Variants in CCDC146 observed in about 807,000 individuals in gnomAD.
CCDC146 encodes the protein coiled-coil domain-containing protein 146.
CCDC146 carries 92 observed loss-of-function variants against 119.3 expected under a neutral mutation model. That is an observed-to-expected ratio of 0.77 (90% CI 0.65 to 0.92). The LOEUF is 0.92. CCDC146 is among the 40% of genes least tolerant of loss of function. The probability of loss-of-function intolerance (pLI) is 0.00; values close to 1 mark genes in which losing one functional copy is unlikely to be tolerated. For missense variants in CCDC146, 1,000 were observed against 1,103.0 expected (o/e 0.91, Z 1.32); for synonymous variants, 372 against 371.8 (o/e 1.00, Z -0.01).
intron 2 of CCDC146, among the ~76,000 whole-genome samples, chr7:77,207,661 T>C (rs1792105600): frequency 6.6e-6 from 1 of 152,160 alleles, no homozygotes; most frequent in Admixed American, 6.5e-5. Context: ...TCATTGAATA[T>C]ATGTTCTTAG....
intron 9 of CCDC146, among the ~76,000 whole-genome samples, chr7:77,265,008 CTT>C (rs760310175): frequency 6.6e-6 from 1 of 152,198 alleles, no homozygotes; most frequent in South Asian, 2.1e-4. Flanking sequence ...CTTTGCAACT[CTT>C]ATGCCCTCAA....
chr7:77,203,040 C>T (rs200990586), intron 2 of CCDC146, among the ~76,000 whole-genome samples: 38 of 143,466 alleles, frequency 2.6e-4, no homozygotes, highest in African/African-American at 7.4e-4. Context: ...TGCCCCCCCC[C>T]CCCCCAGGAC....
At chr7:77,159,069 C>T (rs1791219880) in intron 1 of CCDC146, among the ~76,000 whole-genome samples, 2 of 152,096 alleles carry the variant, frequency 1.3e-5, no homozygotes, top group Admixed American at 1.3e-4. Context: ...GATAAGTATA[C>T]ATCCATGAAA....
At chr7:77,272,352 G>A (rs567382119) in intron 9 of CCDC146, among the ~76,000 whole-genome samples, 1 of 152,294 alleles carries the variant, frequency 6.6e-6, no homozygotes, top group East Asian at 1.9e-4. Context: ...ACACCTGAGG[G>A]TACAGAAGGT....
At chr7:77,142,474 A>C (rs1164773175) in intron 1 of CCDC146, among the ~76,000 whole-genome samples, 1 of 151,842 alleles carries the variant, frequency 6.6e-6, no homozygotes. Flanking sequence ...CAGGTTTGTT[A>C]CATCTGTATA....
intron 2 of CCDC146, chr7:77,199,990 G>T: frequency 1.8e-6 from 1 of 552,622 alleles, no homozygotes; most frequent in Non-Finnish European, 3.2e-6. Context: ...ACTCTCAATA[G>T]AAATAATATG....
intron 4 of CCDC146, among the ~76,000 whole-genome samples, chr7:77,249,125 A>T (rs547147041): frequency 6.6e-6 from 1 of 152,168 alleles, no homozygotes; most frequent in Non-Finnish European, 1.5e-5. Context: ...GAGTGGATTC[A>T]TCTACTTCTC....
At chr7:77,285,801 G>C (rs969874289) in intron 15 of CCDC146, among the ~76,000 whole-genome samples, 12 of 152,212 alleles carry the variant, frequency 7.9e-5, no homozygotes, top group Non-Finnish European at 1.5e-5. Flanking sequence ...TCAACAAATA[G>C]AGTTGATACA....
chr7:77,171,745 T>A (rs1791425250), intron 2 of CCDC146, among the ~76,000 whole-genome samples: 2 of 152,206 alleles, frequency 1.3e-5, no homozygotes, highest in African/African-American at 4.8e-5. Context: ...TTAAGACCAG[T>A]TTATAAAGAA....
At chr7:77,188,292 A>T (rs1791703792) in intron 2 of CCDC146, among the ~76,000 whole-genome samples, 1 of 152,184 alleles carries the variant, frequency 6.6e-6, no homozygotes, top group Admixed American at 6.5e-5. Flanking sequence ...AAAATATCTC[A>T]TGTAGCGCAT....
At chr7:77,277,357 G>T (rs921414496) in intron 11 of CCDC146, among the ~76,000 whole-genome samples, 63 of 152,276 alleles carry the variant, frequency 4.1e-4, no homozygotes, top group Admixed American at 5.9e-4. Flanking sequence ...GTATATCTAT[G>T]TGTGACTAAT....
rs568600912 is a variant in CCDC146, at chr7:77,146,987, A to G, written c.-11-20671A>G. ...GCTAGGTTGGGGAAGTTCTCCTGGA[A>G]AATATCCTGCAGAGTGTTTTCCAAC... On this transcript the variant is annotated intron_variant, in intron 1 of 18. Transcript: ENST00000285871. Among the ~76,000 whole-genome samples the G allele has an allele frequency of 3.3e-5, 5 of 152,082 alleles. No homozygotes were observed. The South Asian group carries it at 1.0e-3, about 31-fold the overall frequency.
At chr7:77,275,328 C>T (rs1259687082) in intron 11 of CCDC146, among the ~76,000 whole-genome samples, 1 of 152,144 alleles carries the variant, frequency 6.6e-6, no homozygotes, top group Non-Finnish European at 1.5e-5. Flanking sequence ...TACCAAGGAA[C>T]CACTATAACT....
chr7:77,136,859 C>G (rs1790866878), intron 1 of CCDC146, among the ~76,000 whole-genome samples: 1 of 152,002 alleles, frequency 6.6e-6, no homozygotes, highest in Non-Finnish European at 1.5e-5. Flanking sequence ...TGCAAAAATC[C>G]TCAACAAAAT....
chr7:77,166,759 T>C (rs1010809701), intron 1 of CCDC146, among the ~76,000 whole-genome samples: 3 of 152,192 alleles, frequency 2.0e-5, no homozygotes, highest in African/African-American at 7.2e-5. Context: ...AGAGAACATT[T>C]TTCTGACATT....
At chr7:77,283,904 T>A (rs1424450892) in intron 15 of CCDC146, among the ~76,000 whole-genome samples, 2 of 152,304 alleles carry the variant, frequency 1.3e-5, no homozygotes, top group East Asian at 1.9e-4. Flanking sequence ...TTTGTTTTTT[T>A]AATTTAGCCT....
Position 77,262,284 on chromosome 7 carries a change from C to T in CCDC146, c.1150C>T (p.Leu384=). 2 of 1,609,702 alleles carry T rather than the reference C, an allele frequency of 1.2e-6. No homozygotes were observed. Among genetic ancestry groups the T allele is most frequent in the Non-Finnish European group, 1.7e-6 (2 of 1,178,130 alleles). Residue 384 remains leucine, a synonymous_variant, in exon 9 of 19, where the codon CTG becomes TTG. Transcript: ENST00000285871. ...GGATGCACTTAGGCAAACTCAAGCACTGCATCAAAGGCTTCTATTAGAGGT... is the reference window on the plus strand; with the variant it reads ...GGATGCACTTAGGCAAACTCAAGCATTGCATCAAAGGCTTCTATTAGAGGT... ...SWDALRQTQA[L]HQRLLLEMEA...
intron 15 of CCDC146, among the ~76,000 whole-genome samples, chr7:77,283,429 A>G (rs1793796498): frequency 6.6e-6 from 1 of 152,222 alleles, no homozygotes; most frequent in African/African-American, 2.4e-5. Context: ...TTAAAAATTA[A>G]AATAAAAACT....
chr7:77,293,216 T>C lies in CCDC146; in HGVS notation c.2664+16T>C. The stretch of plus-strand genomic sequence containing the variant: ...AAAGTCTCAGGTAGGCTTTGGCTCC[T>C]GTATTGCATTTCTAAAGGGTGCCAG... On this transcript the variant is annotated intron_variant, in intron 18 of 18. Coordinates refer to ENST00000285871, the MANE Select transcript of CCDC146 (RefSeq NM_020879.3). The C allele has an allele frequency of 6.2e-7, 1 of 1,611,228 alleles. No individual in the cohort carries two copies. Among genetic ancestry groups the C allele is most frequent in the East Asian group, 2.2e-5 (1 of 44,866 alleles).
Sources: gnomAD v4.1 joint callset for allele counts (sites outside exome capture counted in the v4.1 genomes callset) on GRCh38, gnomAD v4.1.1 for gene constraint, MANE v1.5 for transcripts, NCBI Gene and HGNC (gene_info 2026-07-23, HGNC 2026-07-21) for gene names.